The following PTPRD variants were observed in gnomAD, a reference collection of about 807,000 sequenced individuals.
PTPRD encodes protein tyrosine phosphatase receptor type D.
In PTPRD, 34 loss-of-function variants were observed where a neutral mutation model predicts 214.5. The ratio of observed to expected loss-of-function variants is 0.16; its 90% CI spans 0.12 to 0.21. The LOEUF (loss-of-function observed/expected upper bound fraction) is 0.21. Ranked by LOEUF, PTPRD falls within the 10% of genes least tolerant of loss-of-function variation. PTPRD has a pLI of 1.00. For missense variants in PTPRD, 2,545 were observed against 2,398.7 expected (o/e 1.06, Z -1.27); for synonymous variants, 1,128 against 845.7 (o/e 1.33, Z -5.79).
intron 8 of PTPRD, among the ~76,000 whole-genome samples, chr9:9,437,966 G>A (rs2085996354): frequency 1.3e-5 from 2 of 152,312 alleles, no homozygotes; most frequent in African/African-American, 4.8e-5. Flanking sequence ...TGCGGTGTCT[G>A]CAGAGTTGGT....
At chr9:9,770,840 G>A (rs950289837) in intron 5 of PTPRD, among the ~76,000 whole-genome samples, 4 of 152,156 alleles carry the variant, frequency 2.6e-5, no homozygotes, top group African/African-American at 9.6e-5. Flanking sequence ...GAAGAGGAAG[G>A]GTAGGAGGTG....
At chr9:9,411,569 G>C (rs765151565) in intron 8 of PTPRD, among the ~76,000 whole-genome samples, 1 of 152,078 alleles carries the variant, frequency 6.6e-6, no homozygotes, top group Non-Finnish European at 1.5e-5. Context: ...ACATGAAGTG[G>C]AAATAGCCTT....
chr9:9,451,167 G>C (rs749915264), intron 8 of PTPRD, among the ~76,000 whole-genome samples: 2 of 151,530 alleles, frequency 1.3e-5, no homozygotes, highest in Non-Finnish European at 2.9e-5. Flanking sequence ...TTTATATAAG[G>C]TGCAATACAC....
At chr9:10,564,677 C>G (rs1188390242) in intron 2 of PTPRD, among the ~76,000 whole-genome samples, 2 of 152,058 alleles carry the variant, frequency 1.3e-5, no homozygotes, top group Non-Finnish European at 2.9e-5. Context: ...ACCAATATTA[C>G]TTTTGATTCC....
chr9:10,437,740 C>T (rs141913548), intron 2 of PTPRD, among the ~76,000 whole-genome samples: 163 of 151,402 alleles, frequency 1.1e-3, no homozygotes, highest in African/African-American at 3.4e-3. Context: ...AAAATTCCAA[C>T]GATTCCACAG....
At chr9:9,611,151 A>C (rs1032730049) in intron 7 of PTPRD, among the ~76,000 whole-genome samples, 4 of 152,172 alleles carry the variant, frequency 2.6e-5, no homozygotes, top group African/African-American at 9.7e-5. Context: ...CCTTCTGTTG[A>C]ATATTTAGGT....
At chr9:9,762,816 G>A (rs143465697) in intron 6 of PTPRD, among the ~76,000 whole-genome samples, 1 of 152,306 alleles carries the variant, frequency 6.6e-6, no homozygotes, top group African/African-American at 2.4e-5. Context: ...ATTTCTTGAT[G>A]TCAAAGTTTG....
At chr9:9,722,135 C>A (rs1340390179) in intron 7 of PTPRD, among the ~76,000 whole-genome samples, 1 of 151,930 alleles carries the variant, frequency 6.6e-6, no homozygotes, top group Non-Finnish European at 1.5e-5. Flanking sequence ...TACAATTCAG[C>A]AGTTTTTTTG....
intron 7 of PTPRD, among the ~76,000 whole-genome samples, chr9:9,608,399 C>G (rs117935835): frequency 6.6e-6 from 1 of 152,078 alleles, no homozygotes; most frequent in Non-Finnish European, 1.5e-5. Flanking sequence ...GTTTTTAAAT[C>G]TAGGCTGTCC....
intron 10 of PTPRD, among the ~76,000 whole-genome samples, chr9:9,164,089 T>A (rs891816334): frequency 6.6e-6 from 1 of 152,176 alleles, no homozygotes; most frequent in Admixed American, 6.6e-5. Context: ...TCCTATTTCT[T>A]CTGTAACAAA....
intron 2 of PTPRD, among the ~76,000 whole-genome samples, chr9:10,597,272 C>A (rs2076840426): frequency 1.3e-5 from 2 of 151,578 alleles, no homozygotes; most frequent in African/African-American, 2.4e-5. Context: ...TTATCATATG[C>A]AAATACACAT....
intron 12 of PTPRD, among the ~76,000 whole-genome samples, chr9:8,692,145 T>C (rs1396467893): frequency 6.6e-6 from 1 of 152,140 alleles, no homozygotes; most frequent in Non-Finnish European, 1.5e-5. Flanking sequence ...TTCACTTACA[T>C]AGATTAGTAA....
intron 8 of PTPRD, among the ~76,000 whole-genome samples, chr9:9,570,222 T>G (rs915807060): frequency 1.3e-5 from 2 of 151,562 alleles, no homozygotes; most frequent in Admixed American, 1.3e-4. Context: ...TATTATTATT[T>G]GGACTTCAAA....
intron 12 of PTPRD, among the ~76,000 whole-genome samples, chr9:8,708,740 G>A (rs1168553698): frequency 2.0e-5 from 3 of 147,202 alleles, no homozygotes; most frequent in Non-Finnish European, 3.0e-5. Flanking sequence ...CCCACTACTA[G>A]GTCTATATAT....
intron 2 of PTPRD, among the ~76,000 whole-genome samples, chr9:10,474,094 C>T (rs1188236809): frequency 6.6e-6 from 1 of 151,978 alleles, no homozygotes; most frequent in Non-Finnish European, 1.5e-5. Context: ...GCAAAATAAC[C>T]AGCTAGCATC....
At chr9:10,110,906 AT>A (rs541979511) in intron 3 of PTPRD, among the ~76,000 whole-genome samples, 29 of 152,256 alleles carry the variant, frequency 1.9e-4, no homozygotes, top group African/African-American at 5.8e-4. Context: ...ATTTTAGTGA[AT>A]TTTTTTAAAG....
chr9:8,321,526 T>TATATAA lies in PTPRD; in HGVS notation c.5535-1561_5535-1560insTTATAT, dbSNP rs1327118226. The stretch of plus-strand genomic sequence containing the variant: ...ATATATATATATATATATATATATA[T>TATATAA]AAAAGGTATATGCATCGCAATTCCT... On this transcript the variant is annotated intron_variant, in intron 44 of 45. Transcript: ENST00000381196. Among the ~76,000 whole-genome samples the TATATAA allele has an allele frequency of 3.0e-3, 345 of 115,700 alleles. 7 individuals are homozygous for TATATAA. Among genetic ancestry groups the TATATAA allele is most frequent in the South Asian group, 4.1e-3 (13 of 3,162 alleles). The allele number at this position is 115,700 out of a possible 152,430, so 75.9% of individuals were successfully genotyped here. A position where few individuals can be genotyped will look rare whatever the true frequency, so the allele number is the denominator to read the frequency against.
At chr9:9,988,108 A>G (rs542598106) in intron 4 of PTPRD, among the ~76,000 whole-genome samples, 1 of 152,188 alleles carries the variant, frequency 6.6e-6, no homozygotes, top group Non-Finnish European at 1.5e-5. Context: ...AGCTAAATTT[A>G]TCATAACTCT....
intron 10 of PTPRD, among the ~76,000 whole-genome samples, chr9:9,021,887 T>C (rs555806626): frequency 1.1e-3 from 171 of 149,850 alleles, no homozygotes; most frequent in South Asian, 8.6e-3. Flanking sequence ...CAAAAAGTTT[T>C]AAAAAGTTTC....
Sources: allele counts gnomAD v4.1 joint callset (sites outside exome capture counted in the v4.1 genomes callset), GRCh38; gene constraint gnomAD v4.1.1; transcripts MANE v1.5; gene names NCBI Gene and HGNC (gene_info 2026-07-23, HGNC 2026-07-21).